The following SNX25 variants were observed in gnomAD, a reference collection of about 807,000 sequenced individuals.
SNX25 encodes the protein sorting nexin-25.
In SNX25, 62 loss-of-function variants were observed where a neutral mutation model predicts 113.7. That is an observed-to-expected ratio of 0.55 (90% CI 0.44 to 0.67). The LOEUF (loss-of-function observed/expected upper bound fraction) is 0.67. SNX25 is among the 30% of genes least tolerant of loss of function. The pLI, the probability that SNX25 is intolerant of heterozygous loss-of-function variation, is 0.00. For synonymous variants in SNX25, 421 were observed against 436.2 expected, an observed-to-expected ratio of 0.97 and a Z score of 0.43; for missense variants, 1,014 against 1,161.0, an observed-to-expected ratio of 0.87 and a Z score of 1.84.
chr4:185,378,459 G>C, the SNX25 span: 11 of 1,234,166 alleles, frequency 8.9e-6, no homozygotes, highest in South Asian at 8.4e-5. Context: ...CTGTTTGCAC[G>C]TCCTGTCTGG....
intron 9 of SNX25, among the ~76,000 whole-genome samples, chr4:185,329,808 G>A (rs1334898917): frequency 6.6e-6 from 1 of 152,148 alleles, no homozygotes; most frequent in African/African-American, 2.4e-5. Context: ...GAACCCACCT[G>A]TGAGTAGCCC....
rs1282598180 is a variant in SNX25, at chr4:185,209,887, G to A, written c.61G>A (p.Ala21Thr). 2.0e-6 allele frequency: 2 copies of A among 983,262 alleles called. No homozygotes were observed. The highest frequency in any genetic ancestry group is 2.4e-6 in the Non-Finnish European group (2 of 829,198). The allele number at this position is 983,262 out of a possible 1,614,324, so 60.9% of individuals were successfully genotyped here. A position where few individuals can be genotyped will look rare whatever the true frequency, so the allele number is the denominator to read the frequency against. The change falls in exon 1 of 19, where the codon GCC (alanine) becomes ACC (threonine). Residue 21 changes from alanine to threonine, a missense_variant. By Grantham distance (58) the Ala-to-Thr change is moderately conservative (BLOSUM62 0). Coordinates refer to ENST00000652585, the MANE Select transcript of SNX25 (RefSeq NM_001378034.2). The surrounding 1 kb of genome is among the most constrained non-coding windows in gnomAD (Gnocchi z 5.2). ...AGPSPARAAG[A>T]GGRPVSGFRG... ...CCCCAGCCCCGCGCGGGCCGCAGGC[G>A]CCGGCGGCCGTCCTGTCTCGGGCTT...
At chr4:185,368,795 G>GTTTTTTTT (rs34691416), downstream of SNX25, among the ~76,000 whole-genome samples, 1 of 133,086 alleles carries the variant, frequency 7.5e-6, no homozygotes. Context: ...AATCTGTTTT[G>GTTTTTTTT]TTTTTTTTTT....
chr4:185,330,995 A>C (rs2126704279), intron 9 of SNX25, among the ~76,000 whole-genome samples: 1 of 152,358 alleles, frequency 6.6e-6, no homozygotes, highest in Admixed American at 6.5e-5. Context: ...ATCTATACTC[A>C]GCAGATAAAT....
intron 6 of SNX25, among the ~76,000 whole-genome samples, chr4:185,303,165 C>A (rs1161557202): frequency 2.6e-5 from 4 of 152,182 alleles, no homozygotes; most frequent in East Asian, 1.9e-4. Flanking sequence ...CTCCTGCTCA[C>A]AACAAGCATT....
chr4:185,223,558 T>G (rs1740345656), intron 1 of SNX25, among the ~76,000 whole-genome samples: 1 of 152,162 alleles, frequency 6.6e-6, no homozygotes, highest in Admixed American at 6.5e-5. Context: ...TCCCAGCACT[T>G]TGGGAGGCCG....
At chr4:185,237,918 CCGGG>C (rs941332536) in intron 1 of SNX25, among the ~76,000 whole-genome samples, 9 of 151,560 alleles carry the variant, frequency 5.9e-5, no homozygotes, top group Admixed American at 1.3e-4. Flanking sequence ...CAAAAATTAG[CCGGG>C]CGTGGTGGCA....
At chr4:185,308,720 C>T (rs933686237) in intron 6 of SNX25, among the ~76,000 whole-genome samples, 1 of 152,096 alleles carries the variant, frequency 6.6e-6, no homozygotes, top group African/African-American at 2.4e-5. Context: ...GATATATTTA[C>T]GATCTCCCTT....
chr4:185,321,529 C>T (rs1353551835), intron 8 of SNX25, among the ~76,000 whole-genome samples: 1 of 152,094 alleles, frequency 6.6e-6, no homozygotes, highest in South Asian at 2.1e-4. Context: ...TCCCAAAGTA[C>T]TGGGATTACA....
chr4:185,342,148 AT>A, intron 12 of SNX25, 32 bp downstream of exon 12: 1 of 1,507,098 alleles, frequency 6.6e-7, no homozygotes. Context: ...GTATTCTAGA[AT>A]TACTGCACAA....
chr4:185,375,219 G>C, the SNX25 span, among the ~76,000 whole-genome samples: 1 of 150,374 alleles, frequency 6.7e-6, no homozygotes, highest in African/African-American at 2.4e-5. Context: ...GGGAATACAA[G>C]CATGCACCAC....
rs118124034 is a variant in SNX25, at chr4:185,301,047, A to G, written c.1163-9588A>G. 4.7e-4 allele frequency among the ~76,000 whole-genome samples: 71 copies of G among 152,264 alleles called. No homozygotes were observed. The East Asian group carries it at 0.013, about 28-fold the overall frequency. On this transcript the variant is annotated intron_variant, in intron 6 of 18. Coordinates refer to ENST00000652585, the MANE Select transcript of SNX25 (RefSeq NM_001378034.2). ...CCCAAGGCAGGACTGTCATCTGACTATGGGTCATAAGACCCTCATTCCAAA... is the reference window on the plus strand; with the variant it reads ...CCCAAGGCAGGACTGTCATCTGACTGTGGGTCATAAGACCCTCATTCCAAA...
intron 7 of SNX25, among the ~76,000 whole-genome samples, chr4:185,311,524 G>A (rs2095030363): frequency 1.3e-5 from 2 of 152,180 alleles, no homozygotes. Context: ...ATAGAAGGAA[G>A]CAGCCACGTG....
chr4:185,223,273 A>G (rs944329994), intron 1 of SNX25, among the ~76,000 whole-genome samples: 1 of 151,408 alleles, frequency 6.6e-6, no homozygotes, highest in African/African-American at 2.4e-5. Flanking sequence ...TGTCTCTTTA[A>G]AAAAAAAAGT....
chr4:185,337,733 A>G (rs967042371), intron 10 of SNX25, among the ~76,000 whole-genome samples: 6 of 152,158 alleles, frequency 3.9e-5, no homozygotes, highest in Admixed American at 1.3e-4. Context: ...AAGGGTTCCA[A>G]TCTCTCCATG....
At chr4:185,339,056 G>A (rs923930310) in intron 10 of SNX25, among the ~76,000 whole-genome samples, 3 of 152,062 alleles carry the variant, frequency 2.0e-5, no homozygotes, top group African/African-American at 7.2e-5. Flanking sequence ...GATTGCTTTT[G>A]GTAGTACTGA....
chr4:185,331,714 G>T (rs2095196411), intron 9 of SNX25, among the ~76,000 whole-genome samples: 2 of 152,170 alleles, frequency 1.3e-5, no homozygotes, highest in Admixed American at 1.3e-4. Flanking sequence ...CCGGGAGGCA[G>T]AGGTTGCAGT....
intron 1 of SNX25, among the ~76,000 whole-genome samples, chr4:185,236,825 A>ATC (rs34499391): frequency 0.65 from 98,207 of 151,720 alleles, 31,910 homozygotes; most frequent in East Asian, 0.75. Context: ...TACTATTGTT[A>ATC]TCTATTTTAC....
chr4:185,212,531 C>G (rs1377537425), intron 1 of SNX25, among the ~76,000 whole-genome samples: 7 of 129,820 alleles, frequency 5.4e-5, no homozygotes, highest in African/African-American at 1.7e-4. Flanking sequence ...TCTGCTCTGT[C>G]GTGCAAGCCA....
Sources: allele counts gnomAD v4.1 joint callset (sites outside exome capture counted in the v4.1 genomes callset), GRCh38; gene constraint gnomAD v4.1.1; non-coding constraint Gnocchi (gnomAD v3.1); transcripts MANE v1.5; gene names NCBI Gene and HGNC (gene_info 2026-07-23, HGNC 2026-07-21).